Variants in ITPR2 observed in about 807,000 individuals in gnomAD.
ITPR2 encodes the protein inositol 1,4,5-trisphosphate-gated calcium channel ITPR2.
ITPR2 carries 207 observed loss-of-function variants against 317.1 expected under a neutral mutation model. The ratio of observed to expected loss-of-function variants is 0.65; its 90% CI spans 0.58 to 0.73. The LOEUF (loss-of-function observed/expected upper bound fraction) is 0.73, where lower values mean the gene tolerates loss of function less well. Ranked by LOEUF, ITPR2 falls within the 30% of genes least tolerant of loss-of-function variation. ITPR2 has a pLI of 0.00. For synonymous variants in ITPR2, 1,156 were observed against 1,149.1 expected, an observed-to-expected ratio of 1.01 and a Z score of -0.12; for missense variants, 2,613 against 3,284.0, an observed-to-expected ratio of 0.80 and a Z score of 4.99.
chr12:26,528,466 T>C (rs1055128868), intron 37 of ITPR2, among the ~76,000 whole-genome samples: 1 of 152,208 alleles, frequency 6.6e-6, no homozygotes, highest in Non-Finnish European at 1.5e-5. Flanking sequence ...ATAACAATGC[T>C]CATCTGTATG....
intron 39 of ITPR2, among the ~76,000 whole-genome samples, chr12:26,493,101 C>T (rs2136868320): frequency 6.6e-6 from 1 of 152,158 alleles, no homozygotes; most frequent in South Asian, 2.1e-4. Context: ...CCTCAAATTC[C>T]CTCAGAGGAA....
Position 26,597,043 on chromosome 12 carries a change from C to G in ITPR2, c.4094G>C (p.Arg1365Pro). Residue 1365 changes from arginine to proline, a missense_variant, in exon 31 of 57, where the codon CGA becomes CCA. Transcript: ENST00000381340. ...LLHMMCSERDRGDESGPLAYH... is the reference protein window; with the variant it reads ...LLHMMCSERDPGDESGPLAYH... ...GGCTAAGGGGCCACTCTCATCCCCT[C>G]GGTCTCTCTCTGAACACATCATATG... 1 of 1,614,068 alleles carries G rather than the reference C, an allele frequency of 6.2e-7. No homozygotes were observed. The highest frequency in any genetic ancestry group is 8.5e-7 in the Non-Finnish European group (1 of 1,179,994).
chr12:26,778,564 C>T (rs1427575676), intron 2 of ITPR2, among the ~76,000 whole-genome samples: 1 of 152,216 alleles, frequency 6.6e-6, no homozygotes, highest in Non-Finnish European at 1.5e-5. Context: ...AAGCAATTTG[C>T]CTTCGGCTGG....
intron 35 of ITPR2, among the ~76,000 whole-genome samples, chr12:26,558,383 G>A (rs1032344092): frequency 6.6e-6 from 1 of 152,098 alleles, no homozygotes; most frequent in Non-Finnish European, 1.5e-5. Context: ...TAACAATCAC[G>A]TGAGTTTGCT....
rs867599768 is a variant in ITPR2 at position 26,453,623 on chromosome 12, G to A, written c.6343-9973C>T. Reference sequence around the variant, plus strand: ...TTATTTCTTTTTGATGTAACTAAACGCAAGTCTTTGAAATTTCTGGGTCTC... The same window carrying A: ...TTATTTCTTTTTGATGTAACTAAACACAAGTCTTTGAAATTTCTGGGTCTC... On this transcript the variant is annotated intron_variant, in intron 45 of 56. Transcript: ENST00000381340. Among the ~76,000 whole-genome samples, 19 of 152,218 alleles carry A rather than the reference G, an allele frequency of 1.2e-4. No homozygotes were observed. The Middle Eastern group carries it at 0.014, about 109-fold the overall frequency.
chr12:26,798,430 G>A (rs780328492), intron 1 of ITPR2, among the ~76,000 whole-genome samples: 1 of 152,148 alleles, frequency 6.6e-6, no homozygotes, highest in Non-Finnish European at 1.5e-5. Flanking sequence ...ATACACTGTA[G>A]TTTGAAAGTT....
At chr12:26,477,585 C>T (rs1039206087) in intron 43 of ITPR2, among the ~76,000 whole-genome samples, 2 of 152,174 alleles carry the variant, frequency 1.3e-5, no homozygotes, top group African/African-American at 4.8e-5. Flanking sequence ...AGGCGATATG[C>T]AACTTTGTTT....
At chr12:26,496,501 C>G (rs1875580) in intron 37 of ITPR2, among the ~76,000 whole-genome samples, 105,435 of 152,060 alleles carry the variant, frequency 0.69, 38,424 homozygotes, top group Non-Finnish European at 0.83. Flanking sequence ...CCTGCCAAAT[C>G]TGTTTCCTCC....
intron 21 of ITPR2, 58 bp downstream of exon 21, chr12:26,653,916 GTT>G (rs1358079394): frequency 1.4e-6 from 2 of 1,451,054 alleles, no homozygotes; most frequent in African/African-American, 2.8e-5. Context: ...CTGTAGTTTT[GTT>G]TTTTATCTTA....
intron 37 of ITPR2, among the ~76,000 whole-genome samples, chr12:26,504,876 T>G (rs1943150733): frequency 6.6e-6 from 1 of 152,134 alleles, no homozygotes; most frequent in African/African-American, 2.4e-5. Context: ...TGGAATATTA[T>G]AGAGTAGTAA....
At chr12:26,637,538 C>T (rs1337667216) in intron 21 of ITPR2, among the ~76,000 whole-genome samples, 1 of 151,794 alleles carries the variant, frequency 6.6e-6, no homozygotes, top group Non-Finnish European at 1.5e-5. Context: ...AATCTTAATC[C>T]TATAAAATAG....
At chr12:26,402,284 G>A (rs1035318005) in intron 52 of ITPR2, among the ~76,000 whole-genome samples, 1 of 152,234 alleles carries the variant, frequency 6.6e-6, no homozygotes, top group Admixed American at 6.5e-5. Context: ...TGTGGAGCAT[G>A]TCTACATGCT....
At chr12:26,533,933 C>T (rs1944013593) in intron 37 of ITPR2, among the ~76,000 whole-genome samples, 1 of 152,194 alleles carries the variant, frequency 6.6e-6, no homozygotes, top group African/African-American at 2.4e-5. Context: ...TGTCTTCCCA[C>T]AGAAGATGAT....
chr12:26,590,238 A>T (rs1014457565), intron 32 of ITPR2, among the ~76,000 whole-genome samples: 9 of 152,188 alleles, frequency 5.9e-5, no homozygotes, highest in African/African-American at 2.2e-4. Context: ...AACTAAGATG[A>T]TCTTCATTTT....
At chr12:26,675,260 C>A (rs944611852) in intron 13 of ITPR2, among the ~76,000 whole-genome samples, 72 of 148,696 alleles carry the variant, frequency 4.8e-4, no homozygotes, top group Non-Finnish European at 1.0e-3. Flanking sequence ...ATGTTTATTG[C>A]GGCACTATTC....
intron 21 of ITPR2, among the ~76,000 whole-genome samples, chr12:26,650,842 C>A (rs544438066): frequency 7.2e-5 from 11 of 152,070 alleles, no homozygotes; most frequent in Non-Finnish European, 1.5e-4. Flanking sequence ...TAATATAGAC[C>A]CCTGCATGTC....
chr12:26,672,661 A>G lies in ITPR2; in HGVS notation c.1410-6610T>C, dbSNP rs560631198. On this transcript the variant is annotated intron_variant, in intron 13 of 56. Coordinates refer to ENST00000381340, the MANE Select transcript of ITPR2 (RefSeq NM_002223.4). ...AAGAACTAGAAAAGCAAGAGCAAAC[A>G]CATTCAAAAGCTAGCAGAAGGCAAG... Among the ~76,000 whole-genome samples the G allele has an allele frequency of 3.9e-4, 60 of 152,000 alleles. 1 individual carries two copies. In the South Asian group the frequency reaches 0.012, roughly 30 times the overall value.
chr12:26,465,277 T>C (rs545497770), intron 45 of ITPR2, among the ~76,000 whole-genome samples: 17 of 152,128 alleles, frequency 1.1e-4, no homozygotes, highest in African/African-American at 4.1e-4. Flanking sequence ...TTGTGTCAAA[T>C]GTTAGTGACA....
intron 26 of ITPR2, among the ~76,000 whole-genome samples, chr12:26,611,737 T>C (rs1204907745): frequency 6.6e-6 from 1 of 152,232 alleles, no homozygotes; most frequent in African/African-American, 2.4e-5. Flanking sequence ...CCACGTGACC[T>C]GCATCTCAAC....
Sources: allele counts gnomAD v4.1 joint callset (sites outside exome capture counted in the v4.1 genomes callset), GRCh38; gene constraint gnomAD v4.1.1; transcripts MANE v1.5; gene names NCBI Gene and HGNC (gene_info 2026-07-23, HGNC 2026-07-21).